PSG5: variants seen among roughly 807,000 people sequenced by gnomAD.
PSG5 encodes the protein pregnancy-specific beta-1-glycoprotein 5.
Under a neutral mutation model 37.7 loss-of-function variants are expected in PSG5, and 53 were observed. That is an observed-to-expected ratio of 1.41 (90% CI 1.13 to 1.77). The LOEUF is 1.77. Among genes scored for constraint, PSG5 ranks in the 40% most tolerant of loss-of-function variants. The pLI, the probability that PSG5 is intolerant of heterozygous loss-of-function variation, is 0.00. For synonymous variants in PSG5, 221 were observed against 155.4 expected, an observed-to-expected ratio of 1.42 and a Z score of -3.14; for missense variants, 547 against 405.2, an observed-to-expected ratio of 1.35 and a Z score of -3.00.
rs550524070 is a variant in PSG5 at position 43,186,414 on chromosome 19, C to T, written c.-9G>A. ...GCTGAGAGGGGCCCCATGGTCTCTG[C>T]GCCTGCGTGTTCTCCTCTGTGGAGC... On this transcript the variant is annotated 5_prime_UTR_variant, in exon 1 of 6. Coordinates refer to ENST00000342951, the MANE Select transcript of PSG5 (RefSeq NM_002781.4). 24 of 1,611,980 alleles carry T rather than the reference C, an allele frequency of 1.5e-5. 1 individual carries two copies. Among genetic ancestry groups the T allele is most frequent in the Middle Eastern group, 1.7e-4 (1 of 6,046 alleles).
At position 43,176,135 on chromosome 19, in the gene PSG5, C is replaced by T; in HGVS notation, c.444G>A (p.Lys148=). Residue 148 remains lysine, a synonymous_variant, in exon 3 of 6, where the codon AAG becomes AAA. Transcript: ENST00000342951. ...FTFNLYLKLP[K]PYITINNSKP... is the part of the protein sequence containing the mutation. ...TTGAGTTGTTGATGGTGATGTAGGG[C>T]TTGGGCAGCTTCACTGTGTGGATAA... The T allele has an allele frequency of 6.2e-7, 1 of 1,611,278 alleles. No individual in the cohort carries two copies. Among genetic ancestry groups the T allele is most frequent in the Non-Finnish European group, 8.5e-7 (1 of 1,179,124 alleles).
In PSG5 at chr19:43,186,486, T is replaced by G; in HGVS notation, c.-81A>C. Reference sequence around the variant, plus strand: ...TCCTGAGCACGGCTGTAGGCTGTGCTGTCCTTCCTCCTTCTGTGCTGAGCC... The same window carrying G: ...TCCTGAGCACGGCTGTAGGCTGTGCGGTCCTTCCTCCTTCTGTGCTGAGCC... On this transcript the variant is annotated 5_prime_UTR_variant, in exon 1 of 6. Coordinates refer to ENST00000342951, the MANE Select transcript of PSG5 (RefSeq NM_002781.4). 2 of 1,589,548 alleles carry G rather than the reference T, an allele frequency of 1.3e-6. No homozygotes were observed. Among genetic ancestry groups the G allele is most frequent in the Non-Finnish European group, 1.7e-6 (2 of 1,165,352 alleles).
At chr19:43,185,411 C>G (rs1966912269) in intron 1 of PSG5, among the ~76,000 whole-genome samples, 1 of 126,466 alleles carries the variant, frequency 7.9e-6, no homozygotes, top group Non-Finnish European at 1.6e-5. Context: ...AATCCTCTTC[C>G]CCAGGGGTCC....
At chr19:43,186,313 T>C in intron 1 of PSG5, 29 bp downstream of exon 1, 1 of 1,611,224 alleles carries the variant, frequency 6.2e-7, no homozygotes, top group Non-Finnish European at 8.5e-7. Flanking sequence ...TTCCTCCTCC[T>C]GTCCTCTCCC....
In PSG5 at chr19:43,167,919, A is replaced by C; in HGVS notation, c.*325T>G. 2.6e-6 allele frequency: 1 copy of C among 382,506 alleles called. No individual in the cohort carries two copies. Among genetic ancestry groups the C allele is most frequent in the Non-Finnish European group, 4.8e-6 (1 of 207,644 alleles). The allele number at this position is 382,506 out of a possible 1,614,324, so 23.7% of individuals were successfully genotyped here. A position where few individuals can be genotyped will look rare whatever the true frequency, so the allele number is the denominator to read the frequency against. ...ATAAATCTGGAGAATAAAACATTCAAAGAATCAGCACATTTTCAAATAGAA... is the reference window on the plus strand; with the variant it reads ...ATAAATCTGGAGAATAAAACATTCACAGAATCAGCACATTTTCAAATAGAA... On this transcript the variant is annotated 3_prime_UTR_variant, in exon 6 of 6. Transcript: ENST00000342951.
intron 4 of PSG5, among the ~76,000 whole-genome samples, chr19:43,173,126 G>A (rs1293377751): frequency 6.6e-6 from 1 of 151,590 alleles, no homozygotes; most frequent in African/African-American, 2.4e-5. Flanking sequence ...AATGGGGAAC[G>A]GACAGTGTTC....
intron 2 of PSG5, among the ~76,000 whole-genome samples, chr19:43,177,331 CA>C (rs1170160826): frequency 6.6e-6 from 1 of 151,188 alleles, no homozygotes; most frequent in Admixed American, 6.6e-5. Flanking sequence ...AGACTTAGGA[CA>C]AAAAGTGTTT....
Position 43,186,484 on chromosome 19 carries a change from G to A in PSG5, c.-79C>T, listed in dbSNP as rs1414495167. 3.8e-6 allele frequency: 6 copies of A among 1,591,448 alleles called. No homozygotes were observed. Among genetic ancestry groups the A allele is most frequent in the Non-Finnish European group, 5.1e-6 (6 of 1,166,516 alleles). On this transcript the variant is annotated 5_prime_UTR_variant, in exon 1 of 6. Coordinates refer to ENST00000342951, the MANE Select transcript of PSG5 (RefSeq NM_002781.4). ...CTTCCTGAGCACGGCTGTAGGCTGT[G>A]CTGTCCTTCCTCCTTCTGTGCTGAG...
At chr19:43,186,238 A>T in intron 1 of PSG5, 104 bp downstream of exon 1, 1 of 1,567,982 alleles carries the variant, frequency 6.4e-7, no homozygotes, top group Non-Finnish European at 8.7e-7. Flanking sequence ...ATCCTCCCAA[A>T]GTGCTGGCTT....
At chr19:43,168,533 A>T (rs553793436) in intron 5 of PSG5, among the ~76,000 whole-genome samples, 9 of 151,068 alleles carry the variant, frequency 6.0e-5, no homozygotes, top group East Asian at 3.9e-4. Flanking sequence ...CACGCCCGGC[A>T]AATTTTGTTT....
intron 4 of PSG5, chr19:43,174,624 G>A (rs1333723504): frequency 1.5e-5 from 15 of 976,072 alleles, no homozygotes; most frequent in South Asian, 4.7e-5. Context: ...GCTTCAACTG[G>A]CAGCTCGATT....
chr19:43,170,281 A>T, intron 4 of PSG5, 143 bp from the exon 5 acceptor site: 1 of 873,724 alleles, frequency 1.1e-6, no homozygotes, highest in Non-Finnish European at 1.7e-6. Flanking sequence ...TTGATGGGAG[A>T]TGATTATATT....
Position 43,186,204 on chromosome 19 carries a change from C to T in PSG5, c.64+138G>A, listed in dbSNP as rs780709641. 14 of 1,450,680 alleles carry T rather than the reference C, an allele frequency of 9.7e-6. No homozygotes were observed. The Admixed American group carries it at 1.2e-4, about 12-fold the overall frequency. The allele number at this position is 1,450,680 out of a possible 1,614,324, so 89.9% of individuals were successfully genotyped here. On this transcript the variant is annotated intron_variant, in intron 1 of 5. Coordinates refer to ENST00000342951, the MANE Select transcript of PSG5 (RefSeq NM_002781.4). ...TGTTGGCAGGACTGACCTTGAACTC[C>T]TGATCTCATAATCCACCCACCTCAT...
Position 43,168,873 on chromosome 19 carries a change from T to A in PSG5, c.*41-670A>T, listed in dbSNP as rs1228007184. The stretch of plus-strand genomic sequence containing the variant: ...ATAGGGCCAAAAATGTATAGTCTTA[T>A]GTATGTTGAAAAAGGTCCTTAGGTA... On this transcript the variant is annotated intron_variant, in intron 5 of 5. Transcript: ENST00000342951. Among the ~76,000 whole-genome samples the A allele has an allele frequency of 2.5e-4, 38 of 151,660 alleles. 1 individual carries two copies. The highest frequency in any genetic ancestry group is 2.9e-5 in the Non-Finnish European group (2 of 67,930).
chr19:43,184,661 C>A, intron 2 of PSG5, 121 bp downstream of exon 2: 2 of 1,549,256 alleles, frequency 1.3e-6, no homozygotes, highest in Non-Finnish European at 1.8e-6. Context: ...ATGCCCAAAC[C>A]GCAGCATGGG....
intron 4 of PSG5, among the ~76,000 whole-genome samples, chr19:43,172,516 T>A (rs1394400201): frequency 1.3e-5 from 2 of 151,672 alleles, no homozygotes; most frequent in Non-Finnish European, 2.9e-5. Context: ...CAATTAAAAT[T>A]AATAAATTCA....
intron 2 of PSG5, among the ~76,000 whole-genome samples, chr19:43,177,530 G>A (rs947631180): frequency 1.3e-5 from 2 of 149,440 alleles, no homozygotes; most frequent in Non-Finnish European, 3.0e-5. Context: ...ATCTCACCAC[G>A]TTTCTACCAT....
At chr19:43,184,204 A>G (rs1165682480) in intron 2 of PSG5, among the ~76,000 whole-genome samples, 2 of 151,688 alleles carry the variant, frequency 1.3e-5, no homozygotes, top group Non-Finnish European at 2.9e-5. Flanking sequence ...TCAGGTGAAG[A>G]AAGCTCTGTC....
intron 2 of PSG5, among the ~76,000 whole-genome samples, chr19:43,182,030 A>G (rs1599754032): frequency 6.6e-6 from 1 of 151,682 alleles, no homozygotes; most frequent in East Asian, 1.9e-4. Flanking sequence ...ACAGCAAAGT[A>G]GCATGTCTGA....
Sources: gnomAD v4.1 joint callset for allele counts (sites outside exome capture counted in the v4.1 genomes callset) on GRCh38, gnomAD v4.1.1 for gene constraint, MANE v1.5 for transcripts, NCBI Gene and HGNC (gene_info 2026-07-23, HGNC 2026-07-21) for gene names.